The following FAM135B variants were observed in gnomAD, a reference collection of about 807,000 sequenced individuals.
FAM135B encodes family with sequence similarity 135 member B, also known as protein FAM135B.
In FAM135B, 43 loss-of-function variants were observed where a neutral mutation model predicts 127.7. That is an observed-to-expected ratio of 0.34 (90% CI 0.26 to 0.43). FAM135B has a LOEUF of 0.43. FAM135B is among the 20% of genes least tolerant of loss of function. The pLI is 1.00. For missense variants in FAM135B, 1,558 were observed against 1,725.6 expected (o/e 0.90, Z 1.72); for synonymous variants, 670 against 665.1 (o/e 1.01, Z -0.11).
At chr8:138,385,536 C>T (rs554704078) in intron 1 of FAM135B, among the ~76,000 whole-genome samples, 6 of 152,254 alleles carry the variant, frequency 3.9e-5, no homozygotes, top group Admixed American at 2.6e-4. Context: ...AGGGGCCTGG[C>T]GAGGTGGCTC....
intron 1 of FAM135B, among the ~76,000 whole-genome samples, chr8:138,442,817 C>T (rs779345206): frequency 1.8e-4 from 28 of 152,200 alleles, no homozygotes; most frequent in African/African-American, 6.5e-4. Flanking sequence ...GACTGATGGG[C>T]TCTAGCTGTG....
intron 7 of FAM135B, among the ~76,000 whole-genome samples, chr8:138,223,377 A>G (rs536371681): frequency 6.6e-6 from 1 of 152,354 alleles, no homozygotes; most frequent in East Asian, 1.9e-4. Flanking sequence ...AACCGTTGAA[A>G]TGATAGGAGT....
At chr8:138,446,362 A>C (rs2131570495) in intron 1 of FAM135B, among the ~76,000 whole-genome samples, 1 of 152,260 alleles carries the variant, frequency 6.6e-6, no homozygotes, top group East Asian at 1.9e-4. Context: ...TCCTAAGCCA[A>C]AAGAACAAAG....
intron 2 of FAM135B, among the ~76,000 whole-genome samples, chr8:138,362,918 G>A (rs1488649134): frequency 2.0e-5 from 3 of 152,156 alleles, no homozygotes; most frequent in African/African-American, 7.2e-5. Context: ...GGAATGAGTA[G>A]ATGACCAAAT....
chr8:138,434,215 T>C (rs1442648814), intron 1 of FAM135B, among the ~76,000 whole-genome samples: 3 of 152,208 alleles, frequency 2.0e-5, no homozygotes, highest in Non-Finnish European at 4.4e-5. Flanking sequence ...AGATGTATAA[T>C]TTTTCTTACC....
intron 1 of FAM135B, among the ~76,000 whole-genome samples, chr8:138,477,664 T>TA (rs1419845246): frequency 6.6e-6 from 1 of 152,230 alleles, no homozygotes; most frequent in Admixed American, 6.5e-5. Flanking sequence ...ATGGTGATAT[T>TA]AACTGACACC....
rs1211387370 is a variant in FAM135B, at chr8:138,217,151, C to T, written c.670-19482G>A. 3.3e-5 allele frequency among the ~76,000 whole-genome samples: 5 copies of T among 152,118 alleles called. No individual in the cohort carries two copies. The East Asian group carries it at 5.8e-4, about 18-fold the overall frequency. On this transcript the variant is annotated intron_variant, in intron 7 of 19. Transcript: ENST00000395297. Reference sequence around the variant, plus strand: ...ATCATCACCATTATCTAATGCCTGACGAATATGCCCACTTAGGTCAAGAGT... The same window carrying T: ...ATCATCACCATTATCTAATGCCTGATGAATATGCCCACTTAGGTCAAGAGT...
At chr8:138,148,016 T>C (rs2130681057) in intron 14 of FAM135B, among the ~76,000 whole-genome samples, 1 of 152,242 alleles carries the variant, frequency 6.6e-6, no homozygotes, top group Admixed American at 6.5e-5. Context: ...AGCAAGATAG[T>C]CTGGGCCACT....
intron 1 of FAM135B, among the ~76,000 whole-genome samples, chr8:138,406,022 G>C (rs1833462892): frequency 7.2e-6 from 1 of 139,548 alleles, no homozygotes; most frequent in African/African-American, 2.8e-5. Context: ...CTTTTGAGAA[G>C]TGTCGGTTCA....
intron 1 of FAM135B, among the ~76,000 whole-genome samples, chr8:138,372,686 T>C (rs1831214092): frequency 6.6e-6 from 1 of 152,182 alleles, no homozygotes; most frequent in South Asian, 2.1e-4. Flanking sequence ...TGTAATAACC[T>C]TTCAATACGC....
At chr8:138,398,714 C>T (rs548666481) in intron 1 of FAM135B, among the ~76,000 whole-genome samples, 1 of 152,254 alleles carries the variant, frequency 6.6e-6, no homozygotes, top group East Asian at 1.9e-4. Context: ...AATTTTAAGG[C>T]AATGTTGAGG....
At chr8:138,236,211 G>A (rs1041647750) in intron 7 of FAM135B, among the ~76,000 whole-genome samples, 21 of 152,046 alleles carry the variant, frequency 1.4e-4, no homozygotes, top group Non-Finnish European at 8.8e-5. Context: ...AATCAGAAAC[G>A]CACCCTGCTC....
chr8:138,132,019 T>C lies in FAM135B; in HGVS notation c.*574A>G, dbSNP rs1816258338. ...GCTCACTGCTGTTATGAAATAGAACTGGGATTTGTAACACATTCCTTGCTC... is the reference window on the plus strand; with the variant it reads ...GCTCACTGCTGTTATGAAATAGAACCGGGATTTGTAACACATTCCTTGCTC... On this transcript the variant is annotated 3_prime_UTR_variant, in exon 20 of 20. Coordinates refer to ENST00000395297, the MANE Select transcript of FAM135B (RefSeq NM_015912.4). This position sits in a 1 kb window ranked among gnomAD's most constrained non-coding sequence, Gnocchi z 4.5. The C allele has an allele frequency of 6.5e-6, 1 of 153,992 alleles. No individual in the cohort carries two copies. Among genetic ancestry groups the C allele is most frequent in the South Asian group, 2.0e-4 (1 of 4,904 alleles). 9.5% of individuals were successfully genotyped at this position (153,992 alleles called of 1,614,324 possible). A position where few individuals can be genotyped will look rare whatever the true frequency, so the allele number is the denominator to read the frequency against.
At chr8:138,318,206 A>T (rs902525697) in intron 2 of FAM135B, among the ~76,000 whole-genome samples, 4 of 152,244 alleles carry the variant, frequency 2.6e-5, no homozygotes, top group Admixed American at 2.6e-4. Context: ...GATTGACACA[A>T]ATACAAGATG....
At chr8:138,168,684 C>T (rs1260047875) in intron 11 of FAM135B, among the ~76,000 whole-genome samples, 1 of 152,162 alleles carries the variant, frequency 6.6e-6, no homozygotes, top group African/African-American at 2.4e-5. Flanking sequence ...TTGGAATAAT[C>T]ACCATTCCTA....
At chr8:138,156,508 G>A (rs1345419866) in intron 12 of FAM135B, among the ~76,000 whole-genome samples, 1 of 131,954 alleles carries the variant, frequency 7.6e-6, no homozygotes, top group Non-Finnish European at 1.7e-5. Context: ...GAATCCAGGA[G>A]TTGTTTTTTT....
intron 4 of FAM135B, among the ~76,000 whole-genome samples, chr8:138,264,696 T>G (rs560645322): frequency 1.3e-5 from 2 of 152,156 alleles, no homozygotes; most frequent in South Asian, 2.1e-4. Context: ...AATAGATAGG[T>G]TAAGGAATAA....
intron 3 of FAM135B, among the ~76,000 whole-genome samples, chr8:138,279,788 C>T (rs965407598): frequency 2.0e-5 from 3 of 152,142 alleles, no homozygotes; most frequent in African/African-American, 7.2e-5. Flanking sequence ...TCCCTCTCAC[C>T]CTCTATTGTT....
At chr8:138,228,358 T>C (rs1490958898) in intron 7 of FAM135B, among the ~76,000 whole-genome samples, 1 of 152,148 alleles carries the variant, frequency 6.6e-6, no homozygotes, top group Non-Finnish European at 1.5e-5. Context: ...AGGATTGTGA[T>C]GTGCACTCCT....
Sources: gnomAD v4.1 joint callset for allele counts (sites outside exome capture counted in the v4.1 genomes callset) on GRCh38, gnomAD v4.1.1 for gene constraint, Gnocchi (gnomAD v3.1) non-coding constraint, MANE v1.5 for transcripts, NCBI Gene and HGNC (gene_info 2026-07-23, HGNC 2026-07-21) for gene names.